The following ALPK2 variants were observed in gnomAD, a reference collection of about 807,000 sequenced individuals.
ALPK2 encodes the protein alpha kinase 2.
A neutral mutation model predicts 163.1 loss-of-function variants in ALPK2; 127 were observed. That is an observed-to-expected ratio of 0.78 (90% CI 0.67 to 0.90). ALPK2 has a LOEUF of 0.90. ALPK2 is among the 40% of genes least tolerant of loss of function. The probability of loss-of-function intolerance (pLI) is 0.00; values close to 1 mark genes in which losing one functional copy is unlikely to be tolerated. For synonymous variants in ALPK2, 953 were observed against 959.1 expected (o/e 0.99, Z 0.12); for missense variants, 2,360 against 2,589.6 (o/e 0.91, Z 1.92).
chr18:58,527,846 T>C (rs1402852631), intron 6 of ALPK2, among the ~76,000 whole-genome samples: 1 of 152,234 alleles, frequency 6.6e-6, no homozygotes, highest in Admixed American at 6.5e-5. Flanking sequence ...TTAGTAGAAA[T>C]GAAATCATAG....
In ALPK2 at chr18:58,515,892, G is replaced by A. The variant is rs529125177; in HGVS notation, c.5941-811C>T. Among the ~76,000 whole-genome samples the A allele has an allele frequency of 2.0e-5, 3 of 152,256 alleles. No homozygotes were observed. In the South Asian group the frequency reaches 6.2e-4, roughly 32 times the overall value. ...AGCTGGTGAAAGACCCAACTTTCTT[G>A]ACAGCTACACCAGTGCCGGTGTAAA... On this transcript the variant is annotated intron_variant, in intron 9 of 12. Coordinates refer to ENST00000361673, the MANE Select transcript of ALPK2 (RefSeq NM_052947.4).
intron 10 of ALPK2, among the ~76,000 whole-genome samples, chr18:58,506,608 C>T (rs1218204490): frequency 2.0e-5 from 3 of 152,276 alleles, no homozygotes; most frequent in Non-Finnish European, 2.9e-5. Flanking sequence ...AAGACACAGT[C>T]CCTGCCTTCC....
chr18:58,598,010 T>TC (rs1402569617), intron 3 of ALPK2, among the ~76,000 whole-genome samples: 2 of 152,226 alleles, frequency 1.3e-5, no homozygotes, highest in South Asian at 2.1e-4. Flanking sequence ...ATCTTGGACC[T>TC]CCAGCCTCCA....
At chr18:58,485,126 T>C (rs1382439799) in intron 12 of ALPK2, among the ~76,000 whole-genome samples, 1 of 152,242 alleles carries the variant, frequency 6.6e-6, no homozygotes, top group African/African-American at 2.4e-5. Flanking sequence ...TGTGAGGTCC[T>C]GTGCACAAAT....
chr18:58,529,374 G>T, intron 5 of ALPK2, 136 bp from the exon 6 acceptor site: 1 of 945,602 alleles, frequency 1.1e-6, no homozygotes, highest in Non-Finnish European at 1.5e-6. Flanking sequence ...GAGTCTCTGA[G>T]GGGAGAGGTG....
At chr18:58,538,345 A>T in intron 4 of ALPK2, 121 bp from the exon 5 acceptor site, 1 of 942,742 alleles carries the variant, frequency 1.1e-6, no homozygotes, top group Non-Finnish European at 1.6e-6. Flanking sequence ...AATGATTGAA[A>T]TCTAAACATT....
At chr18:58,569,215 A>T (rs1336805073) in intron 4 of ALPK2, among the ~76,000 whole-genome samples, 3 of 152,048 alleles carry the variant, frequency 2.0e-5, no homozygotes, top group African/African-American at 4.8e-5. Flanking sequence ...GGGGAGAAAA[A>T]GTTTCCATAT....
In ALPK2 at chr18:58,481,872, A is replaced by G. The variant is rs1436752237; in HGVS notation, c.6464T>C (p.Met2155Thr). ...CTCAGGCCCTGCCTTCTTTATTGTC[A>G]TAGAGTTTGTTTGAACTTTGCTTTT... ...IGKSKVQTNS[M>T]TIKKAGPETP... is the part of the protein sequence containing the mutation. The change falls in exon 13 of 13, where the codon ATG becomes ACG. Residue 2155 changes from methionine (M) to threonine (T), a missense_variant. Coordinates refer to ENST00000361673, the MANE Select transcript of ALPK2 (RefSeq NM_052947.4). 11 of 1,613,992 alleles carry G rather than the reference A, an allele frequency of 6.8e-6. No homozygotes were observed. The South Asian group carries it at 9.9e-5, about 14-fold the overall frequency.
intron 8 of ALPK2, among the ~76,000 whole-genome samples, chr18:58,518,290 G>A (rs1345615737): frequency 6.6e-6 from 1 of 152,132 alleles, no homozygotes; most frequent in Admixed American, 6.5e-5. Context: ...AAAACTATAA[G>A]GAGACTGAAA....
At chr18:58,557,346 G>C (rs562007029) in intron 4 of ALPK2, among the ~76,000 whole-genome samples, 1 of 152,118 alleles carries the variant, frequency 6.6e-6, no homozygotes, top group Non-Finnish European at 1.5e-5. Flanking sequence ...GGTGGGGGAG[G>C]CGTGTCATTA....
intron 1 of ALPK2, among the ~76,000 whole-genome samples, chr18:58,625,678 G>A (rs1253450396): frequency 6.6e-6 from 1 of 152,250 alleles, no homozygotes; most frequent in African/African-American, 2.4e-5. Flanking sequence ...AAGAGCAGGG[G>A]CCTGGTTATC....
intron 12 of ALPK2, among the ~76,000 whole-genome samples, chr18:58,489,622 G>A (rs2051361520): frequency 6.6e-6 from 1 of 151,616 alleles, no homozygotes; most frequent in Non-Finnish European, 1.5e-5. Context: ...AGGAGTTCGA[G>A]GCAGCAGTGA....
In ALPK2 at chr18:58,591,234, G is replaced by A. The variant is rs113779355; in HGVS notation, c.228-10686C>T. Among the ~76,000 whole-genome samples the A allele has an allele frequency of 3.5e-3, 535 of 152,276 alleles. 7 individuals carry two copies. Among genetic ancestry groups the A allele is most frequent in the African/African-American group, 0.012 (517 of 41,554 alleles). On this transcript the variant is annotated intron_variant, in intron 3 of 12. Transcript: ENST00000361673. ...GCTTCAAAATGGTTTTTGTCTTCCT[G>A]ATTAGACCCTAACAGATACAGGAAT...
chr18:58,574,110 A>G (rs541055634), intron 4 of ALPK2, among the ~76,000 whole-genome samples: 3 of 152,278 alleles, frequency 2.0e-5, no homozygotes, highest in Non-Finnish European at 4.4e-5. Context: ...AAGCAAAGTT[A>G]TATGTAAATC....
chr18:58,571,567 G>T (rs2051886200), intron 4 of ALPK2, among the ~76,000 whole-genome samples: 1 of 151,868 alleles, frequency 6.6e-6, no homozygotes, highest in Admixed American at 6.6e-5. Context: ...AAATCTTCAG[G>T]ATCCAGGGAA....
intron 5 of ALPK2, among the ~76,000 whole-genome samples, chr18:58,533,588 G>A (rs1386548106): frequency 6.6e-6 from 1 of 151,778 alleles, no homozygotes; most frequent in African/African-American, 2.4e-5. Flanking sequence ...CAGAGTAGCT[G>A]GGACTACAGA....
At chr18:58,572,737 A>G (rs774443583) in intron 4 of ALPK2, among the ~76,000 whole-genome samples, 1 of 152,182 alleles carries the variant, frequency 6.6e-6, no homozygotes, top group Non-Finnish European at 1.5e-5. Flanking sequence ...GGAGGTATGC[A>G]TGGTTATTAA....
chr18:58,513,303 G>C (rs975777417), intron 10 of ALPK2, among the ~76,000 whole-genome samples: 2 of 151,994 alleles, frequency 1.3e-5, no homozygotes, highest in African/African-American at 4.8e-5. Flanking sequence ...GGAGTCCTCT[G>C]ATTTAGGTTC....
chr18:58,539,132 C>G (rs1013078253), intron 4 of ALPK2, among the ~76,000 whole-genome samples: 1 of 152,164 alleles, frequency 6.6e-6, no homozygotes, highest in South Asian at 2.1e-4. Flanking sequence ...TACTAAAAAA[C>G]AGAGAGAAGG....
Sources: gnomAD v4.1 joint callset for allele counts (sites outside exome capture counted in the v4.1 genomes callset) on GRCh38, gnomAD v4.1.1 for gene constraint, MANE v1.5 for transcripts, NCBI Gene and HGNC (gene_info 2026-07-23, HGNC 2026-07-21) for gene names.